Variants in PTK7 observed in about 807,000 individuals in gnomAD.
PTK7 encodes protein tyrosine kinase 7 (inactive).
PTK7 carries 39 observed loss-of-function variants against 116.6 expected under a neutral mutation model. The ratio of observed to expected loss-of-function variants is 0.33; its 90% CI spans 0.26 to 0.44. The LOEUF (loss-of-function observed/expected upper bound fraction) is 0.44, where lower values mean the gene tolerates loss of function less well. Ranked by LOEUF, PTK7 falls within the 20% of genes least tolerant of loss-of-function variation. The pLI, the probability that PTK7 is intolerant of heterozygous loss-of-function variation, is 1.00. For missense variants in PTK7, 1,169 were observed against 1,425.6 expected (o/e 0.82, Z 2.90); for synonymous variants, 546 against 563.6 (o/e 0.97, Z 0.44).
In PTK7 at chr6:43,126,037, G is replaced by T. The variant is rs1769268280; in HGVS notation, c.80-2940G>T. Among the ~76,000 whole-genome samples the T allele has an allele frequency of 3.3e-5, 5 of 152,092 alleles. No individual in the cohort carries two copies. The South Asian group carries it at 1.0e-3, about 32-fold the overall frequency. ...TGTGGGTCAAAGATCCTAGGATTTT[G>T]GGCAGGGCGCCATGGCTCACATCTG... On this transcript the variant is annotated intron_variant, in intron 1 of 19. Transcript: ENST00000230419.
At chr6:43,109,997 C>CTTT (rs35351540) in intron 1 of PTK7, among the ~76,000 whole-genome samples, 12 of 109,628 alleles carry the variant, frequency 1.1e-4, no homozygotes, top group African/African-American at 1.4e-4. Flanking sequence ...CATGCCCGGC[C>CTTT]TTTTTTTTTT....
intron 7 of PTK7, among the ~76,000 whole-genome samples, chr6:43,134,784 A>G (rs1296886334): frequency 6.9e-6 from 1 of 143,944 alleles, no homozygotes; most frequent in African/African-American, 2.6e-5. Flanking sequence ...TGTCTCAGGA[A>G]AAAAAAAAAA....
rs184786926 is a variant in PTK7, at chr6:43,098,277, C to T, written c.79+21710C>T. Among the ~76,000 whole-genome samples, 8 of 152,158 alleles carry T rather than the reference C, an allele frequency of 5.3e-5. No homozygotes were observed. The East Asian group carries it at 9.6e-4, about 18-fold the overall frequency. On this transcript the variant is annotated intron_variant, in intron 1 of 19. Transcript: ENST00000230419. ...CCCTTCACTGCTCTCAAATCTATTC[C>T]CTCTCCTTTAATTGCCTAGTCCTGG...
intron 17 of PTK7, among the ~76,000 whole-genome samples, chr6:43,157,921 T>A (rs973991537): frequency 6.6e-6 from 1 of 152,122 alleles, no homozygotes; most frequent in Non-Finnish European, 1.5e-5. Context: ...GTGCTGGGTT[T>A]ATCCACGTTG....
At chr6:43,077,486 G>GC (rs921530665) in intron 1 of PTK7, among the ~76,000 whole-genome samples, 7 of 152,014 alleles carry the variant, frequency 4.6e-5, no homozygotes, top group East Asian at 1.9e-4. Context: ...AGACAGCACC[G>GC]CCCCCCCAAC....
At chr6:43,157,492 G>A (rs1403127310) in intron 17 of PTK7, among the ~76,000 whole-genome samples, 2 of 145,352 alleles carry the variant, frequency 1.4e-5, no homozygotes, top group African/African-American at 5.1e-5. Flanking sequence ...TTACAGGCAT[G>A]AGTCACCATG....
intron 17 of PTK7, among the ~76,000 whole-genome samples, chr6:43,148,463 A>G (rs1770852086): frequency 1.3e-5 from 2 of 152,188 alleles, no homozygotes; most frequent in East Asian, 1.9e-4. Flanking sequence ...CTAGTAGAGA[A>G]AACCATTTGA....
At chr6:43,080,921 G>A (rs192095687) in intron 1 of PTK7, among the ~76,000 whole-genome samples, 27 of 150,978 alleles carry the variant, frequency 1.8e-4, no homozygotes, top group African/African-American at 6.4e-4. Context: ...CAGCCTGGGC[G>A]ACGGAACGAG....
At chr6:43,158,761 T>G in intron 17 of PTK7, 56 bp from the exon 18 acceptor site, 1 of 1,562,484 alleles carries the variant, frequency 6.4e-7, no homozygotes, top group Middle Eastern at 1.7e-4. Context: ...GTGTTGAGGG[T>G]GGTCATCTTG....
Position 43,141,126 on chromosome 6 carries a change from A to T in PTK7, c.1619-542A>T, listed in dbSNP as rs1310193811. On this transcript the variant is annotated intron_variant, in intron 10 of 19. Transcript: ENST00000230419. The surrounding 1 kb of genome is among the most constrained non-coding windows in gnomAD (Gnocchi z 4.9). ...TTTATTTCCTTTGGGAAAGATTCCC[A>T]GAATTGGGATAATTATGCACGAAAG... 6.6e-6 allele frequency among the ~76,000 whole-genome samples: 1 copy of T among 151,958 alleles called. No individual in the cohort carries two copies. Among genetic ancestry groups the T allele is most frequent in the African/African-American group, 2.4e-5 (1 of 41,334 alleles).
intron 1 of PTK7, among the ~76,000 whole-genome samples, chr6:43,091,100 G>A (rs1766927626): frequency 6.6e-6 from 1 of 151,420 alleles, no homozygotes; most frequent in African/African-American, 2.4e-5. Context: ...TGGCTCCACA[G>A]CTTACTGGCT....
intron 17 of PTK7, among the ~76,000 whole-genome samples, chr6:43,158,181 C>A (rs1771628207): frequency 6.6e-6 from 1 of 152,066 alleles, no homozygotes; most frequent in East Asian, 1.9e-4. Context: ...CACCTGTAAT[C>A]CCAGCTACTC....
chr6:43,093,553 C>T (rs557080006), intron 1 of PTK7, among the ~76,000 whole-genome samples: 3 of 152,136 alleles, frequency 2.0e-5, no homozygotes, highest in East Asian at 1.9e-4. Context: ...AGGCAGGAGA[C>T]GGACAGGAGA....
chr6:43,101,279 G>A (rs1340722769), intron 1 of PTK7, among the ~76,000 whole-genome samples: 15 of 151,442 alleles, frequency 9.9e-5, no homozygotes, highest in South Asian at 4.2e-4. Context: ...GAGGCTGGGC[G>A]CGGTGGCTCA....
At chr6:43,082,327 C>A (rs1266356984) in intron 1 of PTK7, among the ~76,000 whole-genome samples, 1 of 152,154 alleles carries the variant, frequency 6.6e-6, no homozygotes, top group Non-Finnish European at 1.5e-5. Flanking sequence ...AGGCGCGCAC[C>A]ACCACGCCAG....
chr6:43,118,634 T>A (rs1205489657), intron 1 of PTK7, among the ~76,000 whole-genome samples: 1 of 76,622 alleles, frequency 1.3e-5, no homozygotes, highest in African/African-American at 7.1e-5. Context: ...TCTCTCTCTC[T>A]CTCTCTCTCT....
At position 43,129,080 on chromosome 6, in the gene PTK7, A is replaced by G. The variant is rs149203876; in HGVS notation, c.183A>G (p.Val61=). 3.7e-6 allele frequency: 6 copies of G among 1,614,104 alleles called. No homozygotes were observed. Among genetic ancestry groups the G allele is most frequent in the South Asian group, 3.3e-5 (3 of 91,088 alleles). ...LRCEVEAPGP[V]HVYWLLDGAP... ...GTGAGGTTGAGGCTCCGGGCCCGGT[A>G]CATGTGTACTGGCTGCTCGATGGGG... The change falls in exon 2 of 20, where the codon GTA becomes GTG. Residue 61 remains valine (V), a synonymous_variant. Transcript: ENST00000230419. This position sits in a 1 kb window ranked among gnomAD's most constrained non-coding sequence, Gnocchi z 4.5.
chr6:43,100,697 C>T (rs1487299283), intron 1 of PTK7, among the ~76,000 whole-genome samples: 3 of 151,922 alleles, frequency 2.0e-5, no homozygotes, highest in African/African-American at 4.8e-5. Context: ...TACAAGATCA[C>T]GGGGGAAATC....
At chr6:43,116,627 TGTGTGTGTGTGTGTGTGTGTGTGTGC>T (rs1472595763) in intron 1 of PTK7, among the ~76,000 whole-genome samples, 2 of 126,494 alleles carry the variant, frequency 1.6e-5, no homozygotes, top group East Asian at 2.5e-4. Context: ...TGTGTGTGTG[TGTGTGTGTGTGTGTGTGTGTGTGTGC>T]GCGCGCACGC....
Sources: allele counts gnomAD v4.1 joint callset (sites outside exome capture counted in the v4.1 genomes callset), GRCh38; gene constraint gnomAD v4.1.1; non-coding constraint Gnocchi (gnomAD v3.1); transcripts MANE v1.5; gene names NCBI Gene and HGNC (gene_info 2026-07-23, HGNC 2026-07-21).